The following DDX11 variants were observed in gnomAD, a reference collection of about 807,000 sequenced individuals.
DDX11 encodes the protein DEAD/H-box helicase 11.
A neutral mutation model predicts 125.2 loss-of-function variants in DDX11; 72 were observed. The ratio of observed to expected loss-of-function variants is 0.58; its 90% CI spans 0.48 to 0.70. The LOEUF (loss-of-function observed/expected upper bound fraction) is 0.70, where lower values mean the gene tolerates loss of function less well. Among genes scored for constraint, DDX11 ranks in the 30% least tolerant of loss-of-function variants. The pLI, the probability that DDX11 is intolerant of heterozygous loss-of-function variation, is 0.00. For missense variants in DDX11, 883 were observed against 1,165.0 expected, an observed-to-expected ratio of 0.76 and a Z score of 3.52; for synonymous variants, 347 against 452.6, an observed-to-expected ratio of 0.77 and a Z score of 2.96.
At chr12:31,088,020 G>A in intron 6 of DDX11, 37 bp downstream of exon 6, 3 of 1,607,256 alleles carry the variant, frequency 1.9e-6, no homozygotes, top group Non-Finnish European at 2.5e-6. Flanking sequence ...TGTGCTGGGG[G>A]TATAGGCTGG....
chr12:31,075,069 G>A (rs1450424288), intron 1 of DDX11, among the ~76,000 whole-genome samples: 1 of 152,198 alleles, frequency 6.6e-6, no homozygotes, highest in Non-Finnish European at 1.5e-5. Context: ...CTCTAACCTC[G>A]TTTTATGAGC....
At chr12:31,091,945 T>G in intron 10 of DDX11, 74 bp downstream of exon 10, 1 of 1,602,284 alleles carries the variant, frequency 6.2e-7, no homozygotes, top group Admixed American at 1.7e-5. Flanking sequence ...TCCAGACACC[T>G]GGGCCAAGAG....
intron 1 of DDX11, among the ~76,000 whole-genome samples, chr12:31,075,187 G>A (rs981284127): frequency 7.2e-5 from 11 of 151,938 alleles, no homozygotes; most frequent in Non-Finnish European, 1.6e-4. Flanking sequence ...GTTTTTAATA[G>A]GGCTTAGTGA....
At chr12:31,087,698 G>A (rs1434112643) in intron 5 of DDX11, 2 of 641,440 alleles carry the variant, frequency 3.1e-6, no homozygotes. Context: ...CAAGACTTGG[G>A]TTGGGGGTGC....
Position 31,093,477 on chromosome 12 carries a change from G to A in DDX11, c.1369+153G>A, listed in dbSNP as rs1400710439. The A allele has an allele frequency of 1.2e-5, 12 of 975,822 alleles. No homozygotes were observed. In the Admixed American group the frequency reaches 2.0e-4, roughly 16 times the overall value. The allele number at this position is 975,822 out of a possible 1,614,324, so 60.4% of individuals were successfully genotyped here. ...ACGCCTGTAATCCCAGCACTTGGGA[G>A]GCCGAGGCAGGTGGTTCACCTGAGG... is the stretch of plus-strand genomic sequence containing the variant. On this transcript the variant is annotated intron_variant, in intron 12 of 26. Transcript: ENST00000542838.
intron 1 of DDX11, among the ~76,000 whole-genome samples, chr12:31,075,613 G>A (rs1397069496): frequency 6.6e-6 from 1 of 152,076 alleles, no homozygotes; most frequent in East Asian, 1.9e-4. Context: ...TTAACTAATA[G>A]GTATTCAAGT....
At position 31,101,058 on chromosome 12, in the gene DDX11, C is replaced by T. The variant is rs1246471123; in HGVS notation, c.1980C>T (p.Pro660=). ...GHVIPPDNIL[P]LVICSGISNQ... ...TGATCCCTCCAGACAACATCCTGCC[C>T]CTCGTCATCTGCAGCGGGATCTCCA... Residue 660 remains proline (P), a synonymous_variant, in exon 20 of 27, where the codon CCC becomes CCT. Coordinates refer to ENST00000542838, the MANE Select transcript of DDX11 (RefSeq NM_030653.4). 1.2e-6 allele frequency: 2 copies of T among 1,614,074 alleles called. No homozygotes were observed. The highest frequency in any genetic ancestry group is 1.7e-5 in the Admixed American group (1 of 60,012).
chr12:31,084,075 T>C lies in DDX11; in HGVS notation c.393+14T>C. 6.2e-7 allele frequency: 1 copy of C among 1,613,614 alleles called. No individual in the cohort carries two copies. Among genetic ancestry groups the C allele is most frequent in the East Asian group, 2.2e-5 (1 of 44,868 alleles). ...GACCGACTAAAGGTGAGACCTGGGG[T>C]ATCCGGAAGTGGGAGTACTGGAGGA... On this transcript the variant is annotated intron_variant, in intron 3 of 26. Coordinates refer to ENST00000542838, the MANE Select transcript of DDX11 (RefSeq NM_030653.4).
At chr12:31,074,905 C>G (rs1316153626) in intron 1 of DDX11, among the ~76,000 whole-genome samples, 2 of 152,220 alleles carry the variant, frequency 1.3e-5, no homozygotes, top group Admixed American at 1.3e-4. Context: ...AATGTGTTTT[C>G]TCACAGTCCC....
chr12:31,087,628 G>C, intron 5 of DDX11: 1 of 456,922 alleles, frequency 2.2e-6, no homozygotes. Context: ...GAGGGGTCCA[G>C]CTTGCTGGAG....
At position 31,103,319 on chromosome 12, in the gene DDX11, C is replaced by G; in HGVS notation, c.2460C>G (p.Pro820=). The G allele has an allele frequency of 1.2e-6, 2 of 1,610,872 alleles. No homozygotes were observed. The highest frequency in any genetic ancestry group is 1.7e-6 in the Non-Finnish European group (2 of 1,179,582). Residue 820 remains proline, a splice_region_variant and synonymous_variant, in exon 25 of 27, where the codon CCC becomes CCG. Transcript: ENST00000542838. ...TGGGTCTTCCCCTTCACTCCCAGCC[C>G]AGAGCCCCCGGCCAGGCACCCCCAG... is the stretch of plus-strand genomic sequence containing the variant. ...EKMAYLDQTL[P]RAPGQAPPGK...
At position 31,100,576 on chromosome 12, in the gene DDX11, C is replaced by T. The variant is rs558369619; in HGVS notation, c.1876-59C>T. On this transcript the variant is annotated intron_variant, in intron 18 of 26. Transcript: ENST00000542838. ...GTCTCTTAGCCCAGACTTCTCGCTT[C>T]CTTTCTGCTGGGCCTCTGAGGGGTC... is the stretch of plus-strand genomic sequence containing the variant. 1.5e-5 allele frequency: 23 copies of T among 1,491,214 alleles called. No individual in the cohort carries two copies. In the African/African-American group the frequency reaches 2.9e-4, roughly 19 times the overall value. The allele number at this position is 1,491,214 out of a possible 1,614,324, so 92.4% of individuals were successfully genotyped here.
At chr12:31,093,362 A>G (rs761226551) in intron 12 of DDX11, 38 bp downstream of exon 12, 2 of 1,613,170 alleles carry the variant, frequency 1.2e-6, no homozygotes, top group South Asian at 2.2e-5. Context: ...CGGGCCTGCA[A>G]AACTCGCTGG....
chr12:31,090,105 T>C lies in DDX11; in HGVS notation c.1089+11T>C. The C allele has an allele frequency of 6.5e-7, 1 of 1,549,216 alleles. No individual in the cohort carries two copies. The highest frequency in any genetic ancestry group is 8.7e-7 in the Non-Finnish European group (1 of 1,146,338). On this transcript the variant is annotated intron_variant, in intron 9 of 26. Transcript: ENST00000542838. ...ATCCCTGCAGCCCAGGTGAGGGCCC[T>C]GCAGGGCCAGAAAGCCGCTCTTGAC...
Position 31,089,909 on chromosome 12 carries a change from G to C in DDX11, c.904G>C (p.Glu302Gln). Residue 302 changes from glutamate (E) to glutamine (Q), a missense_variant, in exon 9 of 27, where the codon GAG (glutamate) becomes CAG (glutamine). Glu to Gln is a conservative substitution (Grantham distance 29). This residue lies in a region of DDX11 where 72 missense variants were observed against 159.7 expected (regional missense o/e 0.45). Coordinates refer to ENST00000542838, the MANE Select transcript of DDX11 (RefSeq NM_030653.4). ...RHEKKKGAEE[E>Q]KPKRRRQEKQ... ...AGAGAAGAAGAAAGGAGCTGAGGAG[G>C]AGAAGCCAAAGAGGAGGAGGCAGGA... 1 of 1,606,812 alleles carries C rather than the reference G, an allele frequency of 6.2e-7. No individual in the cohort carries two copies.
At chr12:31,077,618 C>T (rs1184608393) in intron 1 of DDX11, among the ~76,000 whole-genome samples, 4 of 151,866 alleles carry the variant, frequency 2.6e-5, no homozygotes, top group Non-Finnish European at 4.4e-5. Context: ...GAGGCCAAGG[C>T]GGGCGGATCA....
chr12:31,093,201 G>A (rs1272118060), intron 11 of DDX11, 44 bp from the exon 12 acceptor site: 28 of 1,576,800 alleles, frequency 1.8e-5, no homozygotes, highest in Middle Eastern at 3.6e-4. Flanking sequence ...GGGGCGAGTC[G>A]CCATCAGGGC....
intron 12 of DDX11, 161 bp from the exon 13 acceptor site, chr12:31,094,429 C>G (rs1469214244): frequency 7.6e-7 from 1 of 1,312,108 alleles, no homozygotes; most frequent in African/African-American, 1.5e-5. Context: ...CCTGCCCTCT[C>G]AGTGGGTCCG....
At chr12:31,074,749 T>G (rs1264678691) in intron 1 of DDX11, among the ~76,000 whole-genome samples, 6 of 152,210 alleles carry the variant, frequency 3.9e-5, no homozygotes, top group Non-Finnish European at 7.3e-5. Context: ...GCGGAAAAGC[T>G]TTTTTCTTGG....
Sources: gnomAD v4.1 joint callset for allele counts (sites outside exome capture counted in the v4.1 genomes callset) on GRCh38, gnomAD v4.1.1 for gene constraint, gnomAD v4.1.1 regional missense constraint, MANE v1.5 for transcripts, NCBI Gene and HGNC (gene_info 2026-07-23, HGNC 2026-07-21) for gene names.